DNAH3: variants seen among roughly 807,000 people sequenced by gnomAD.
DNAH3 encodes dynein axonemal heavy chain 3.
Under a neutral mutation model 432.5 loss-of-function variants are expected in DNAH3, and 332 were observed. The observed-to-expected ratio is 0.77, with a 90% CI of 0.70 to 0.84. DNAH3 has a LOEUF of 0.84. DNAH3 is among the 40% of genes least tolerant of loss of function. The pLI, the probability that DNAH3 is intolerant of heterozygous loss-of-function variation, is 0.00. For synonymous variants in DNAH3, 1,956 were observed against 1,900.2 expected (o/e 1.03, Z -0.76); for missense variants, 4,861 against 5,114.0 (o/e 0.95, Z 1.51).
chr16:21,060,280 A>T (rs750629856), exon 26 of DNAH3: 1 of 1,614,038 alleles, frequency 6.2e-7, no homozygotes, highest in Admixed American at 1.7e-5. Flanking sequence ...ATATGCTTCA[A>T]TCCCAAGTCC....
chr16:20,980,170 A>AAAAAT (rs1555516900), intron 49 of DNAH3, among the ~76,000 whole-genome samples: 1 of 133,642 alleles, frequency 7.5e-6, no homozygotes, highest in Non-Finnish European at 1.6e-5. Context: ...TAGAAAAAAA[A>AAAAAT]ATATATATAT....
intron 41 of DNAH3, among the ~76,000 whole-genome samples, chr16:21,011,201 T>C (rs1220377155): frequency 6.6e-6 from 1 of 152,174 alleles, no homozygotes; most frequent in Non-Finnish European, 1.5e-5. Context: ...GGGCAATTCA[T>C]GTACCATCTC....
chr16:21,153,565 C>T (rs1202166293), intron 1 of DNAH3, among the ~76,000 whole-genome samples: 2 of 152,168 alleles, frequency 1.3e-5, no homozygotes, highest in Non-Finnish European at 2.9e-5. Flanking sequence ...CGCTTGATCC[C>T]CTTCTACAAC....
At chr16:21,003,561 T>G (rs1329019690) in intron 41 of DNAH3, among the ~76,000 whole-genome samples, 1 of 152,034 alleles carries the variant, frequency 6.6e-6, no homozygotes, top group Non-Finnish European at 1.5e-5. Flanking sequence ...TCACCTGAAG[T>G]CAGGGGTTCG....
At position 20,975,228 on chromosome 16, in the gene DNAH3, T is replaced by C. The variant is rs2152647212; in HGVS notation, c.8259+5A>G. The C allele has an allele frequency of 6.2e-7, 1 of 1,612,876 alleles. No homozygotes were observed. The highest frequency in any genetic ancestry group is 8.5e-7 in the Non-Finnish European group (1 of 1,179,918). ...GTTCCCTCCCTTTCTTCTCAGTCTT[T>C]CTACCTTGATTCCTTGGGCAATGGC... On this transcript the variant is annotated splice_donor_5th_base_variant and intron_variant, in intron 51 of 61. Transcript: ENST00000261383.
rs775867098 is a variant in DNAH3, at chr16:21,054,541, G to C, written c.3925-7C>G. The C allele has an allele frequency of 1.9e-6, 3 of 1,609,078 alleles. No homozygotes were observed. Among genetic ancestry groups the C allele is most frequent in the Admixed American group, 1.7e-5 (1 of 59,936 alleles). The stretch of plus-strand genomic sequence containing the variant: ...TGCTCTTTTTCAGAAAATCCTGGAA[G>C]GGGCAGAGGAGGGGACAACTGGTTA... On this transcript the variant is annotated splice_region_variant and splice_polypyrimidine_tract_variant and intron_variant, in intron 27 of 61. Coordinates refer to ENST00000261383, the Ensembl canonical transcript of DNAH3.
At chr16:20,972,739 A>ATTTT (rs34245316) in intron 51 of DNAH3, among the ~76,000 whole-genome samples, 18 of 95,952 alleles carry the variant, frequency 1.9e-4, no homozygotes, top group East Asian at 6.5e-4. Flanking sequence ...ATGCCCCGTG[A>ATTTT]TTTTTTTTTT....
At chr16:20,965,775 C>T (rs1400769615) in intron 52 of DNAH3, among the ~76,000 whole-genome samples, 4 of 152,116 alleles carry the variant, frequency 2.6e-5, no homozygotes, top group African/African-American at 4.8e-5. Flanking sequence ...TTCAGTGGCA[C>T]GATCTTGGCT....
chr16:20,988,696 CTT>C (rs1369575838), intron 44 of DNAH3, among the ~76,000 whole-genome samples: 1 of 152,224 alleles, frequency 6.6e-6, no homozygotes, highest in African/African-American at 2.4e-5. Context: ...TGAAAATCTC[CTT>C]TTGTGTCCGG....
At chr16:21,070,186 G>A (rs1195069189) in intron 22 of DNAH3, among the ~76,000 whole-genome samples, 4 of 152,148 alleles carry the variant, frequency 2.6e-5, no homozygotes, top group Non-Finnish European at 5.9e-5. Flanking sequence ...GCATTCAAAT[G>A]CCATCTTCTC....
At chr16:21,033,796 C>G (rs916820986) in intron 36 of DNAH3, among the ~76,000 whole-genome samples, 178 bp downstream of exon 36, 7 of 152,112 alleles carry the variant, frequency 4.6e-5, no homozygotes, top group African/African-American at 1.7e-4. Context: ...ATTATAGAAG[C>G]ACCCCGCCCC....
At chr16:21,110,432 G>A (rs1320095049) in intron 14 of DNAH3, among the ~76,000 whole-genome samples, 4 of 152,182 alleles carry the variant, frequency 2.6e-5, no homozygotes, top group East Asian at 1.9e-4. Flanking sequence ...ATAGGAATCC[G>A]GGAGGATGTA....
At chr16:20,948,275 A>G (rs1368066730) in intron 57 of DNAH3, among the ~76,000 whole-genome samples, 2 of 148,980 alleles carry the variant, frequency 1.3e-5, no homozygotes, top group African/African-American at 2.5e-5. Context: ...ATTTTGAAAC[A>G]CCTTGTCTAC....
chr16:20,959,811 C>T (rs1219278048), intron 53 of DNAH3, among the ~76,000 whole-genome samples: 1 of 152,032 alleles, frequency 6.6e-6, no homozygotes, highest in African/African-American at 2.4e-5. Context: ...TTGCTTTAAA[C>T]ACATAGACAT....
Position 20,963,821 on chromosome 16 carries a change from G to C in DNAH3, c.10063C>G (p.Leu3355Val), listed in dbSNP as rs1394005568. The change falls in exon 53 of 62, where the codon CTG becomes GTG. Residue 3355 changes from leucine (L) to valine (V), a missense_variant. Physicochemically the swap from Leu to Val is conservative, Grantham distance 32 (BLOSUM62 1). Transcript: ENST00000261383. ...CGGCACACGTTGTTGTAGATGCTCA[G>C]GGTGAAATGGTCAATGATGTACTTG... 3 of 1,613,938 alleles carry C rather than the reference G, an allele frequency of 1.9e-6. No homozygotes were observed. In the African/African-American group the frequency reaches 4.0e-5, roughly 22 times the overall value.
chr16:21,017,879 A>T (rs1436017516), intron 41 of DNAH3, among the ~76,000 whole-genome samples: 2 of 152,088 alleles, frequency 1.3e-5, no homozygotes, highest in African/African-American at 4.8e-5. Flanking sequence ...ACATACAGAA[A>T]CATGGAAGAC....
chr16:21,128,296 T>A (rs570585708), intron 7 of DNAH3, among the ~76,000 whole-genome samples: 24 of 152,090 alleles, frequency 1.6e-4, no homozygotes, highest in Non-Finnish European at 3.1e-4. Context: ...AGTTTATGGA[T>A]CCCAGCACTT....
chr16:21,005,922 TTA>T, intron 41 of DNAH3, among the ~76,000 whole-genome samples: 1 of 151,872 alleles, frequency 6.6e-6, no homozygotes, highest in East Asian at 1.9e-4. Flanking sequence ...AATAATTTAA[TTA>T]TGTTATATTT....
chr16:20,995,240 G>A (rs994791129), intron 44 of DNAH3, among the ~76,000 whole-genome samples: 4 of 151,700 alleles, frequency 2.6e-5, no homozygotes, highest in South Asian at 2.1e-4. Context: ...GCCAGAGCCC[G>A]GCCTTTTCTT....
Sources: allele counts gnomAD v4.1 joint callset (sites outside exome capture counted in the v4.1 genomes callset), GRCh38; gene constraint gnomAD v4.1.1; transcripts MANE v1.5; gene names NCBI Gene and HGNC (gene_info 2026-07-23, HGNC 2026-07-21).